The following TFEC variants were observed in gnomAD, a reference collection of about 807,000 sequenced individuals.
TFEC encodes the protein transcription factor EC.
In TFEC, 31 loss-of-function variants were observed where a neutral mutation model predicts 41.6. The observed-to-expected ratio is 0.74, with a 90% CI of 0.56 to 1.01. TFEC has a LOEUF of 1.01. TFEC is among the 50% of genes least tolerant of loss of function. TFEC has a pLI of 0.00. For synonymous variants in TFEC, 143 were observed against 140.6 expected, an observed-to-expected ratio of 1.02 and a Z score of -0.12; for missense variants, 402 against 404.1, an observed-to-expected ratio of 0.99 and a Z score of 0.04.
At chr7:116,143,038 C>T (rs1280860692) in intron 1 of TFEC, among the ~76,000 whole-genome samples, 2 of 152,196 alleles carry the variant, frequency 1.3e-5, no homozygotes, top group African/African-American at 4.8e-5. Context: ...TACGTTCAGT[C>T]TCACAGGATG....
chr7:116,141,187 C>T (rs552089306), intron 1 of TFEC, among the ~76,000 whole-genome samples: 2 of 152,016 alleles, frequency 1.3e-5, no homozygotes, highest in East Asian at 3.9e-4. Flanking sequence ...AGGATATAGC[C>T]AGTAAAAGTA....
chr7:116,068,186 T>C (rs547745130), intron 3 of TFEC, among the ~76,000 whole-genome samples: 21 of 151,984 alleles, frequency 1.4e-4, no homozygotes, highest in Admixed American at 6.6e-5. Context: ...ATATGTTTTT[T>C]TGTATTTTTG....
At chr7:116,144,025 C>T (rs201023686) in intron 1 of TFEC, among the ~76,000 whole-genome samples, 1 of 152,076 alleles carries the variant, frequency 6.6e-6, no homozygotes, top group African/African-American at 2.4e-5. Context: ...CGAGACCATC[C>T]TGGCCAACAT....
Position 115,940,436 on chromosome 7 carries a change from AAC to A in TFEC, c.*113_*114del, listed in dbSNP as rs537645772. On this transcript the variant is annotated 3_prime_UTR_variant, in exon 8 of 8. Coordinates refer to ENST00000265440, the MANE Select transcript of TFEC (RefSeq NM_012252.4). ...TTGCTTCTATCAGTTTTTCATGAAC[AAC>A]ACATTCCTTTAAGAAAAAAAATAAG... The A allele has an allele frequency of 8.6e-6, 10 of 1,157,162 alleles. No individual in the cohort carries two copies. The Admixed American group carries it at 2.8e-4, about 33-fold the overall frequency. The allele number at this position is 1,157,162 out of a possible 1,614,324, so 71.7% of individuals were successfully genotyped here.
rs1472538884 is a variant in TFEC at position 115,986,178 on chromosome 7, G to A, written c.-72-1665C>T. 2.6e-5 allele frequency among the ~76,000 whole-genome samples: 4 copies of A among 152,136 alleles called. No homozygotes were observed. In the South Asian group the frequency reaches 6.2e-4, roughly 24 times the overall value. Reference sequence around the variant, plus strand: ...GTTATAGGAGTTTACAATCTATTGGGAAGTGTTAATATCAACTATAGCAAC... The same window carrying A: ...GTTATAGGAGTTTACAATCTATTGGAAAGTGTTAATATCAACTATAGCAAC... On this transcript the variant is annotated intron_variant, in intron 1 of 7. Transcript: ENST00000265440.
intron 2 of TFEC, among the ~76,000 whole-genome samples, chr7:115,980,213 G>A (rs1365852792): frequency 6.6e-6 from 1 of 152,128 alleles, no homozygotes; most frequent in African/African-American, 2.4e-5. Flanking sequence ...GTGAATTCCT[G>A]CAAAATTTTT....
chr7:116,020,256 T>C (rs989970644), intron 1 of TFEC, among the ~76,000 whole-genome samples: 1 of 151,992 alleles, frequency 6.6e-6, no homozygotes, highest in South Asian at 2.1e-4. Flanking sequence ...CAAATTAACA[T>C]TTTTTTTCTA....
chr7:115,976,766 A>C (rs1047803693), intron 2 of TFEC, among the ~76,000 whole-genome samples: 2 of 152,234 alleles, frequency 1.3e-5, no homozygotes, highest in African/African-American at 4.8e-5. Context: ...TGCTAAACAT[A>C]ATTTATGAGG....
At chr7:115,961,599 A>C (rs1008603347) in intron 3 of TFEC, among the ~76,000 whole-genome samples, 1 of 151,692 alleles carries the variant, frequency 6.6e-6, no homozygotes, top group Non-Finnish European at 1.5e-5. Context: ...TAGATTCATA[A>C]ACCAAAGCTT....
rs1054629485 is a variant in TFEC at position 115,938,852 on chromosome 7, G to T, written c.*1699C>A. ...ATTATTTCACCATAGTTTTCTAAGG[G>T]CCTTCACAACCTGTTGTCAGTCTTA... On this transcript the variant is annotated 3_prime_UTR_variant, in exon 8 of 8. Transcript: ENST00000265440. 1 of 151,620 alleles carries T rather than the reference G, an allele frequency of 6.6e-6. No individual in the cohort carries two copies. The highest frequency in any genetic ancestry group is 1.5e-5 in the Non-Finnish European group (1 of 67,848). 9.4% of individuals were successfully genotyped at this position (151,620 alleles called of 1,614,324 possible).
At chr7:116,023,489 T>G (rs534029754) in intron 1 of TFEC, among the ~76,000 whole-genome samples, 1 of 152,168 alleles carries the variant, frequency 6.6e-6, no homozygotes, top group Non-Finnish European at 1.5e-5. Context: ...TTGATAGAGA[T>G]AGAACTCTTT....
intron 1 of TFEC, among the ~76,000 whole-genome samples, chr7:116,006,820 A>T (rs905859726): frequency 6.6e-6 from 1 of 152,048 alleles, no homozygotes; most frequent in Non-Finnish European, 1.5e-5. Flanking sequence ...ACCTGGTGGG[A>T]GGTAATTGAA....
intron 3 of TFEC, among the ~76,000 whole-genome samples, chr7:116,039,750 A>G (rs1795991975): frequency 6.6e-6 from 1 of 152,076 alleles, no homozygotes; most frequent in Non-Finnish European, 1.5e-5. Flanking sequence ...GAGTTTTTTT[A>G]TTCCTTTGGT....
chr7:115,983,072 T>C (rs1017510422), intron 2 of TFEC, among the ~76,000 whole-genome samples: 4 of 152,110 alleles, frequency 2.6e-5, no homozygotes, highest in Non-Finnish European at 5.9e-5. Context: ...CTGTACTGTG[T>C]GTAGATCTAA....
intron 1 of TFEC, among the ~76,000 whole-genome samples, chr7:116,133,938 CAA>C (rs900567210): frequency 1.3e-5 from 2 of 150,812 alleles, no homozygotes; most frequent in African/African-American, 4.9e-5. Context: ...ATAGCAACAA[CAA>C]AAAAAAATTA....
chr7:115,974,814 T>G (rs1390877719), intron 2 of TFEC, among the ~76,000 whole-genome samples: 1 of 151,780 alleles, frequency 6.6e-6, no homozygotes, highest in Non-Finnish European at 1.5e-5. Context: ...TAAAGACCAA[T>G]AATAATAGGT....
At position 115,939,878 on chromosome 7, in the gene TFEC, A is replaced by G. The variant is rs1793401598; in HGVS notation, c.*673T>C. ...ACAGAGACTGGAGATATAAATATGC[A>G]TGGATGCTTTTAGAATTAGTGTAAT... On this transcript the variant is annotated 3_prime_UTR_variant, in exon 8 of 8. Coordinates refer to ENST00000265440, the MANE Select transcript of TFEC (RefSeq NM_012252.4). The G allele has an allele frequency of 1.3e-5, 2 of 152,066 alleles. No homozygotes were observed. Among genetic ancestry groups the G allele is most frequent in the African/African-American group, 4.8e-5 (2 of 41,448 alleles). The allele number at this position is 152,066 out of a possible 1,614,324, so 9.4% of individuals were successfully genotyped here. A position where few individuals can be genotyped will look rare whatever the true frequency, so the allele number is the denominator to read the frequency against.
intron 2 of TFEC, among the ~76,000 whole-genome samples, chr7:115,983,871 CA>C (rs1793734410): frequency 6.6e-6 from 1 of 152,016 alleles, no homozygotes; most frequent in Non-Finnish European, 1.5e-5. Context: ...ATTTCTACAG[CA>C]AAAATTTACT....
chr7:116,136,485 A>C (rs1421372942), intron 1 of TFEC, among the ~76,000 whole-genome samples: 1 of 151,990 alleles, frequency 6.6e-6, no homozygotes, highest in Non-Finnish European at 1.5e-5. Flanking sequence ...TTTCTTCATC[A>C]TGAAATATTT....
Sources: gnomAD v4.1 joint callset for allele counts (sites outside exome capture counted in the v4.1 genomes callset) on GRCh38, gnomAD v4.1.1 for gene constraint, MANE v1.5 for transcripts, NCBI Gene and HGNC (gene_info 2026-07-23, HGNC 2026-07-21) for gene names.